Variants in VCL observed in about 807,000 individuals in gnomAD.
The protein encoded by VCL is vinculin, also known as epididymis luminal protein 114.
Under a neutral mutation model 125.7 loss-of-function variants are expected in VCL, and 47 were observed. The ratio of observed to expected loss-of-function variants is 0.37; its 90% CI spans 0.30 to 0.48. The LOEUF (loss-of-function observed/expected upper bound fraction) is 0.48, where lower values mean the gene tolerates loss of function less well. VCL is among the 20% of genes least tolerant of loss of function. The probability of loss-of-function intolerance (pLI) is 0.99; values close to 1 mark genes in which losing one functional copy is unlikely to be tolerated. For missense variants in VCL, 1,069 were observed against 1,455.5 expected, an observed-to-expected ratio of 0.73 and a Z score of 4.32; for synonymous variants, 458 against 514.6, an observed-to-expected ratio of 0.89 and a Z score of 1.49.
At chr10:74,106,819 G>C (rs900687795) in intron 16 of VCL, among the ~76,000 whole-genome samples, 3 of 152,228 alleles carry the variant, frequency 2.0e-5, no homozygotes, top group Admixed American at 6.5e-5. Flanking sequence ...CAAAGGAGTA[G>C]AGAGAAAGGT....
intron 2 of VCL, chr10:74,063,822 A>G (rs1841518726): frequency 6.6e-6 from 1 of 152,192 alleles, no homozygotes; most frequent in South Asian, 2.1e-4. Flanking sequence ...GTGTTGATGT[A>G]TATAATAATG....
intron 1 of VCL, among the ~76,000 whole-genome samples, chr10:74,007,339 T>C (rs1840338428): frequency 6.6e-6 from 1 of 152,108 alleles, no homozygotes; most frequent in African/African-American, 2.4e-5. Flanking sequence ...CCCTTTGAAA[T>C]GGGTAGGATA....
chr10:74,037,095 C>T (rs1344288919), intron 1 of VCL, among the ~76,000 whole-genome samples: 1 of 151,724 alleles, frequency 6.6e-6, no homozygotes, highest in East Asian at 1.9e-4. Flanking sequence ...TATTTTTAGT[C>T]GAGACGGGGT....
chr10:74,086,837 AT>A (rs1839787269), intron 8 of VCL, among the ~76,000 whole-genome samples: 1 of 152,170 alleles, frequency 6.6e-6, no homozygotes, highest in South Asian at 2.1e-4. Context: ...GCTGTTTAAT[AT>A]TTTAGTGGCT....
intron 6 of VCL, 193 bp downstream of exon 6, chr10:74,075,096 G>T (rs1013058145): frequency 7.2e-6 from 5 of 695,528 alleles, no homozygotes; most frequent in African/African-American, 1.8e-5. Flanking sequence ...TTGTTCTAAG[G>T]TAGAACAAGT....
chr10:74,065,685 A>G (rs916995266), intron 2 of VCL, among the ~76,000 whole-genome samples: 3 of 148,726 alleles, frequency 2.0e-5, no homozygotes, highest in African/African-American at 7.3e-5. Context: ...CCCTGTCTCA[A>G]AAAAAAAAAA....
Position 74,097,077 on chromosome 10 carries a change from C to T in VCL, c.1744-127C>T, listed in dbSNP as rs1446363468. 2 of 1,388,572 alleles carry T rather than the reference C, an allele frequency of 1.4e-6. No individual in the cohort carries two copies. The highest frequency in any genetic ancestry group is 2.8e-5 in the African/African-American group (2 of 70,280). The allele number at this position is 1,388,572 out of a possible 1,614,324, so 86.0% of individuals were successfully genotyped here. Reference sequence around the variant, plus strand: ...TTCTGTGCTAGCTCAGTGCTTTGTACACAGTTAACAAATATTTATTGAATG... The same window carrying T: ...TTCTGTGCTAGCTCAGTGCTTTGTATACAGTTAACAAATATTTATTGAATG... On this transcript the variant is annotated intron_variant, in intron 12 of 21. Transcript: ENST00000211998. This position sits in a 1 kb window ranked among gnomAD's most constrained non-coding sequence, Gnocchi z 4.1.
intron 1 of VCL, among the ~76,000 whole-genome samples, chr10:74,034,532 C>G (rs1840938047): frequency 6.6e-6 from 1 of 152,234 alleles, no homozygotes; most frequent in Non-Finnish European, 1.5e-5. Flanking sequence ...TCTACTAGAG[C>G]ATGCATTACA....
chr10:74,058,067 A>G (rs773456316), intron 2 of VCL, among the ~76,000 whole-genome samples: 1 of 152,214 alleles, frequency 6.6e-6, no homozygotes, highest in Non-Finnish European at 1.5e-5. Flanking sequence ...AGACCCTGAC[A>G]GGATGGGAAG....
intron 2 of VCL, among the ~76,000 whole-genome samples, chr10:74,050,932 A>ATTTTTT (rs10607921): frequency 1.3e-4 from 10 of 77,456 alleles, no homozygotes; most frequent in East Asian, 4.1e-4. Context: ...GTACTACTGT[A>ATTTTTT]TTTTTTTTTT....
At chr10:74,086,822 A>C (rs758286083) in intron 8 of VCL, among the ~76,000 whole-genome samples, 2 of 152,166 alleles carry the variant, frequency 1.3e-5, no homozygotes, top group African/African-American at 2.4e-5. Context: ...TCTTAAGTGT[A>C]CCCAGCTGTT....
intron 18 of VCL, among the ~76,000 whole-genome samples, chr10:74,111,083 A>G (rs931458472): frequency 3.3e-5 from 5 of 152,170 alleles, no homozygotes; most frequent in African/African-American, 4.8e-5. Flanking sequence ...CCCAAGGAGA[A>G]GCTTTCTGAG....
intron 2 of VCL, among the ~76,000 whole-genome samples, chr10:74,067,497 A>G (rs1841590865): frequency 6.6e-6 from 1 of 152,238 alleles, no homozygotes; most frequent in East Asian, 1.9e-4. Context: ...TGGAATTACT[A>G]TATAAACTAG....
intron 20 of VCL, 23 bp downstream of exon 20, chr10:74,114,410 T>C (rs1170258594): frequency 1.3e-5 from 5 of 378,092 alleles, no homozygotes; most frequent in African/African-American, 9.1e-5. Context: ...AGAGGCTGCG[T>C]GTGTGTGTGT....
chr10:74,074,761 C>T lies in VCL; in HGVS notation c.641C>T (p.Thr214Ile), dbSNP rs753078158. The change falls in exon 6 of 22, where the codon ACA (threonine) becomes ATA (isoleucine). Residue 214 changes from threonine to isoleucine, a missense_variant. By Grantham distance (89) the Thr-to-Ile change is moderately conservative. Around this residue, in one of 6 missense-constraint regions of VCL, gnomAD observed 760 missense variants for 928.9 expected, o/e 0.82. Coordinates refer to ENST00000211998, the MANE Select transcript of VCL (RefSeq NM_014000.3). ...TTTACAGCTATGAAGATTTTTGTAACAACTAAAAACTCAAAAAACCAAGGC... is the reference window on the plus strand; with the variant it reads ...TTTACAGCTATGAAGATTTTTGTAATAACTAAAAACTCAAAAAACCAAGGC... ...VLISAMKIFV[T>I]TKNSKNQGIE... The T allele has an allele frequency of 6.2e-6, 10 of 1,612,778 alleles. No individual in the cohort carries two copies. The South Asian group carries it at 7.7e-5, about 12-fold the overall frequency.
chr10:74,081,078 A>G (rs1282567451), intron 6 of VCL, among the ~76,000 whole-genome samples: 1 of 152,214 alleles, frequency 6.6e-6, no homozygotes, highest in African/African-American at 2.4e-5. Flanking sequence ...TTTTATTGAC[A>G]GCTACCATGG....
chr10:74,120,787 G>C (rs892903561), downstream of VCL: 1 of 152,234 alleles, frequency 6.6e-6, no homozygotes, highest in Non-Finnish European at 1.5e-5. Flanking sequence ...CAAAGTGCTG[G>C]GATTACAGGT....
At chr10:74,014,481 C>G (rs931512201) in intron 1 of VCL, among the ~76,000 whole-genome samples, 1 of 151,762 alleles carries the variant, frequency 6.6e-6, no homozygotes, top group East Asian at 1.9e-4. Context: ...GCAGTCCACC[C>G]GCCTCAGCCT....
chr10:74,044,852 A>G (rs1358411881), intron 2 of VCL, among the ~76,000 whole-genome samples: 1 of 152,170 alleles, frequency 6.6e-6, no homozygotes, highest in African/African-American at 2.4e-5. Context: ...AAAAATGGTT[A>G]ATTTTATGCT....
Sources: allele counts gnomAD v4.1 joint callset (sites outside exome capture counted in the v4.1 genomes callset), GRCh38; gene constraint gnomAD v4.1.1; regional missense constraint gnomAD v4.1.1; non-coding constraint Gnocchi (gnomAD v3.1); transcripts MANE v1.5; gene names NCBI Gene and HGNC (gene_info 2026-07-23, HGNC 2026-07-21).